Variants in PPFIA2 observed in about 807,000 individuals in gnomAD.
PPFIA2 encodes the protein liprin-alpha-2.
A neutral mutation model predicts 175.5 loss-of-function variants in PPFIA2; 46 were observed. The ratio of observed to expected loss-of-function variants is 0.26; its 90% CI spans 0.21 to 0.34. PPFIA2 has a LOEUF of 0.34. Among genes scored for constraint, PPFIA2 ranks in the 10% least tolerant of loss-of-function variants. PPFIA2 has a pLI of 1.00. For synonymous variants in PPFIA2, 568 were observed against 511.4 expected, an observed-to-expected ratio of 1.11 and a Z score of -1.49; for missense variants, 1,179 against 1,506.1, an observed-to-expected ratio of 0.78 and a Z score of 3.60.
At chr12:81,632,989 T>C (rs926992029) in intron 4 of PPFIA2, among the ~76,000 whole-genome samples, 5 of 152,080 alleles carry the variant, frequency 3.3e-5, no homozygotes, top group Non-Finnish European at 7.3e-5. Flanking sequence ...CTAGGAAAAG[T>C]AATGATTACT....
rs1244324431 is a variant in PPFIA2 at position 81,262,011 on chromosome 12, T to G, written c.3745A>C (p.Asn1249His). Residue 1249 changes from asparagine to histidine, a missense_variant, in exon 32 of 33, where the codon AAC becomes CAC. Physicochemically the swap from Asn to His is moderately conservative, Grantham distance 68. Around this residue, in one of 10 missense-constraint regions of PPFIA2, gnomAD observed 245 missense variants for 375.1 expected, o/e 0.65. Transcript: ENST00000549396. ...VASSRLQRLD[N>H]STVRTYSC The stretch of plus-strand genomic sequence containing the variant: ...CATGAGTATGTGCGAACAGTGGAGT[T>G]GTCTAACCTCTGCAGTCTTGATGAA... The G allele has an allele frequency of 6.2e-7, 1 of 1,606,214 alleles. No homozygotes were observed. Among genetic ancestry groups the G allele is most frequent in the East Asian group, 2.2e-5 (1 of 44,740 alleles).
At chr12:81,433,527 C>A (rs2144631380) in intron 7 of PPFIA2, among the ~76,000 whole-genome samples, 1 of 152,148 alleles carries the variant, frequency 6.6e-6, no homozygotes, top group East Asian at 1.9e-4. Flanking sequence ...CCATTTCTTC[C>A]TTTCAGAGAC....
intron 28 of PPFIA2, among the ~76,000 whole-genome samples, chr12:81,272,104 A>T (rs1430326047): frequency 6.6e-6 from 1 of 151,952 alleles, no homozygotes; most frequent in African/African-American, 2.4e-5. Context: ...GCGCCATTGA[A>T]ATTATTGTGG....
At chr12:81,616,470 T>A (rs983172775) in intron 4 of PPFIA2, among the ~76,000 whole-genome samples, 2 of 152,158 alleles carry the variant, frequency 1.3e-5, no homozygotes, top group African/African-American at 4.8e-5. Context: ...AGAGAGAGAA[T>A]GATCCCAGCA....
intron 23 of PPFIA2, among the ~76,000 whole-genome samples, chr12:81,296,949 G>A (rs2046606521): frequency 6.6e-6 from 1 of 152,110 alleles, no homozygotes; most frequent in Admixed American, 6.6e-5. Context: ...TAAAAGTGAT[G>A]GGATGTCACT....
intron 22 of PPFIA2, among the ~76,000 whole-genome samples, chr12:81,319,440 G>T (rs2053176347): frequency 6.6e-6 from 1 of 151,816 alleles, no homozygotes; most frequent in Non-Finnish European, 1.5e-5. Flanking sequence ...CTCTATTTTA[G>T]TGAAAACAGA....
chr12:81,709,589 A>T (rs1245924249), intron 3 of PPFIA2, among the ~76,000 whole-genome samples: 1 of 152,124 alleles, frequency 6.6e-6, no homozygotes, highest in East Asian at 1.9e-4. Context: ...TACAAAGTTA[A>T]TTTTTTTGCT....
intron 4 of PPFIA2, among the ~76,000 whole-genome samples, chr12:81,668,267 C>A (rs1030518657): frequency 1.3e-5 from 2 of 152,062 alleles, no homozygotes; most frequent in Non-Finnish European, 2.9e-5. Flanking sequence ...CTTCATCAGT[C>A]TGGCCCATGG....
At chr12:81,605,278 G>A (rs2060175382) in intron 4 of PPFIA2, among the ~76,000 whole-genome samples, 1 of 151,704 alleles carries the variant, frequency 6.6e-6, no homozygotes, top group Non-Finnish European at 1.5e-5. Flanking sequence ...CTTATTTTAT[G>A]TTAATTTTTG....
At position 81,685,041 on chromosome 12, in the gene PPFIA2, T is replaced by C. The variant is rs1031170299; in HGVS notation, c.250-8197A>G. ...AACATGTATGTCTGGCATTAATAAA[T>C]GGTTCAAATATGTTAAACTAAAAAT... On this transcript the variant is annotated intron_variant, in intron 3 of 32. Coordinates refer to ENST00000549396, the MANE Select transcript of PPFIA2 (RefSeq NM_003625.5). Among the ~76,000 whole-genome samples, 6 of 152,206 alleles carry C rather than the reference T, an allele frequency of 3.9e-5. No individual in the cohort carries two copies. The South Asian group carries it at 6.2e-4, about 16-fold the overall frequency.
intron 3 of PPFIA2, among the ~76,000 whole-genome samples, chr12:81,709,506 C>T (rs533351377): frequency 2.6e-4 from 39 of 152,044 alleles, no homozygotes; most frequent in African/African-American, 8.7e-4. Flanking sequence ...CACACACACA[C>T]GCATGCATAC....
intron 4 of PPFIA2, among the ~76,000 whole-genome samples, chr12:81,529,612 T>C (rs2064225957): frequency 6.6e-6 from 1 of 150,942 alleles, no homozygotes; most frequent in African/African-American, 2.4e-5. Flanking sequence ...CTCCAGGCAC[T>C]AAAAATACAA....
chr12:81,337,917 G>T (rs1439050333), intron 21 of PPFIA2, among the ~76,000 whole-genome samples: 3 of 151,882 alleles, frequency 2.0e-5, no homozygotes, highest in African/African-American at 7.3e-5. Context: ...TTTTCCTCAT[G>T]CAATAATATT....
intron 4 of PPFIA2, among the ~76,000 whole-genome samples, chr12:81,534,659 GA>G (rs1356159895): frequency 6.6e-6 from 1 of 151,610 alleles, no homozygotes; most frequent in African/African-American, 2.4e-5. Context: ...TCAAGAGGGA[GA>G]AAAAGAACTT....
intron 4 of PPFIA2, among the ~76,000 whole-genome samples, chr12:81,545,159 C>T (rs1389247621): frequency 1.3e-5 from 2 of 151,744 alleles, no homozygotes; most frequent in African/African-American, 4.8e-5. Flanking sequence ...ATGCATGCTA[C>T]ACTAACTTAC....
intron 8 of PPFIA2, among the ~76,000 whole-genome samples, chr12:81,390,512 T>G (rs888058090): frequency 1.3e-5 from 2 of 152,084 alleles, no homozygotes; most frequent in African/African-American, 4.8e-5. Context: ...GGATTTGCAT[T>G]TCCTAATAAC....
At chr12:81,713,233 C>A (rs995687829) in intron 3 of PPFIA2, among the ~76,000 whole-genome samples, 3 of 150,974 alleles carry the variant, frequency 2.0e-5, no homozygotes, top group Non-Finnish European at 4.4e-5. Flanking sequence ...AGCTTCAAAG[C>A]AAACTTATGA....
intron 4 of PPFIA2, among the ~76,000 whole-genome samples, chr12:81,512,640 G>A (rs769540801): frequency 1.3e-5 from 2 of 151,772 alleles, no homozygotes; most frequent in African/African-American, 4.8e-5. Flanking sequence ...CCTGTCATTC[G>A]AGCAATATAC....
At chr12:81,554,235 G>C (rs1401337085) in intron 4 of PPFIA2, among the ~76,000 whole-genome samples, 3 of 152,004 alleles carry the variant, frequency 2.0e-5, no homozygotes, top group Admixed American at 1.3e-4. Context: ...TGTAGGACTT[G>C]ATCAGTTGTA....
Sources: gnomAD v4.1 joint callset for allele counts (sites outside exome capture counted in the v4.1 genomes callset) on GRCh38, gnomAD v4.1.1 for gene constraint, gnomAD v4.1.1 regional missense constraint, MANE v1.5 for transcripts, NCBI Gene and HGNC (gene_info 2026-07-23, HGNC 2026-07-21) for gene names.